Variants in KCNN3 observed in about 807,000 individuals in gnomAD.
KCNN3 encodes the protein potassium calcium-activated channel subfamily N member 3.
Under a neutral mutation model 62.9 loss-of-function variants are expected in KCNN3, and 16 were observed. The observed-to-expected ratio is 0.25, with a 90% CI of 0.17 to 0.39. KCNN3 has a LOEUF of 0.39. KCNN3 is among the 10% of genes least tolerant of loss of function. The pLI is 1.00. For synonymous variants in KCNN3, 370 were observed against 389.2 expected, an observed-to-expected ratio of 0.95 and a Z score of 0.58; for missense variants, 599 against 949.4, an observed-to-expected ratio of 0.63 and a Z score of 4.85.
chr1:154,700,131 T>C lies in KCNN3; in HGVS notation c.*7845A>G, dbSNP rs1459139002. 2 of 152,198 alleles carry C rather than the reference T, an allele frequency of 1.3e-5. No individual in the cohort carries two copies. Among genetic ancestry groups the C allele is most frequent in the African/African-American group, 4.8e-5 (2 of 41,446 alleles). The allele number at this position is 152,198 out of a possible 1,614,324, so 9.4% of individuals were successfully genotyped here. A position where few individuals can be genotyped will look rare whatever the true frequency, so the allele number is the denominator to read the frequency against. ...AGACTCAAGGAAGAGATAGCTTCAT[T>C]CTCTAATTATTAACGAGGTTAGTTA... On this transcript the variant is annotated 3_prime_UTR_variant, in exon 8 of 8. Transcript: ENST00000271915.
intron 1 of KCNN3, among the ~76,000 whole-genome samples, chr1:154,845,610 G>A (rs1307596436): frequency 1.3e-5 from 2 of 152,160 alleles, no homozygotes; most frequent in South Asian, 2.1e-4. Context: ...TGCAACGGAC[G>A]CAGCATTGCT....
At chr1:154,732,484 C>G (rs750885924) in intron 4 of KCNN3, among the ~76,000 whole-genome samples, 2 of 152,234 alleles carry the variant, frequency 1.3e-5, no homozygotes, top group Admixed American at 1.3e-4. Flanking sequence ...AAGGCAAGAG[C>G]CAGCCCAGGG....
At chr1:154,831,681 T>C (rs1193970634) in intron 1 of KCNN3, among the ~76,000 whole-genome samples, 1 of 152,122 alleles carries the variant, frequency 6.6e-6, no homozygotes, top group Admixed American at 6.5e-5. Flanking sequence ...ATCCAGTCTC[T>C]GCTTGATTTT....
chr1:154,844,018 G>A lies in KCNN3; in HGVS notation c.934-21834C>T, dbSNP rs1651940943. ...CCAGGCCACAAAGGGCAGACACCAGGCCAGCAGGGGAAGGCCAAAGAACAC... is the reference window on the plus strand; with the variant it reads ...CCAGGCCACAAAGGGCAGACACCAGACCAGCAGGGGAAGGCCAAAGAACAC... On this transcript the variant is annotated intron_variant, in intron 1 of 7. Transcript: ENST00000271915. 2.6e-5 allele frequency among the ~76,000 whole-genome samples: 4 copies of A among 152,332 alleles called. No individual in the cohort carries two copies. In the South Asian group the frequency reaches 8.3e-4, roughly 32 times the overall value.
intron 5 of KCNN3, among the ~76,000 whole-genome samples, chr1:154,720,781 C>T (rs1571209917): frequency 2.0e-5 from 3 of 152,084 alleles, no homozygotes; most frequent in African/African-American, 7.2e-5. Context: ...TAAGGGACGC[C>T]GAAGTGAGGA....
chr1:154,813,208 C>CTT (rs57970335), intron 2 of KCNN3, among the ~76,000 whole-genome samples: 5 of 88,344 alleles, frequency 5.7e-5, no homozygotes, highest in Non-Finnish European at 8.1e-5. Context: ...TGTTAGGCTG[C>CTT]TTTTTTTTTT....
intron 1 of KCNN3, among the ~76,000 whole-genome samples, chr1:154,838,586 G>A (rs888908908): frequency 1.3e-5 from 2 of 152,126 alleles, no homozygotes; most frequent in Non-Finnish European, 1.5e-5. Flanking sequence ...TTGCTGGGCC[G>A]GGAACAACCT....
At chr1:154,798,777 A>G (rs1267731900) in intron 2 of KCNN3, among the ~76,000 whole-genome samples, 4 of 152,196 alleles carry the variant, frequency 2.6e-5, no homozygotes, top group African/African-American at 9.7e-5. Context: ...TTACACAACT[A>G]AGAAGTGGTG....
At chr1:154,776,565 A>T (rs896938632) in intron 2 of KCNN3, among the ~76,000 whole-genome samples, 7 of 151,884 alleles carry the variant, frequency 4.6e-5, no homozygotes, top group Non-Finnish European at 1.0e-4. Context: ...ACGTGAGGAC[A>T]CTCTATGCTT....
intron 2 of KCNN3, among the ~76,000 whole-genome samples, chr1:154,806,830 T>C (rs1168372222): frequency 6.6e-6 from 1 of 152,184 alleles, no homozygotes; most frequent in African/African-American, 2.4e-5. Context: ...ATAATGTTCA[T>C]AAGGCTTGGG....
chr1:154,835,063 G>A (rs1034037113), intron 1 of KCNN3, among the ~76,000 whole-genome samples: 21 of 152,160 alleles, frequency 1.4e-4, no homozygotes, highest in Admixed American at 4.6e-4. Context: ...GAGCTGGACC[G>A]TTTGACACCA....
intron 2 of KCNN3, among the ~76,000 whole-genome samples, chr1:154,821,766 C>T (rs1348747887): frequency 6.6e-6 from 1 of 152,224 alleles, no homozygotes; most frequent in African/African-American, 2.4e-5. Flanking sequence ...CAGAGCAATG[C>T]ATCAGGGGCT....
At chr1:154,755,071 C>A (rs1331496889) in intron 3 of KCNN3, among the ~76,000 whole-genome samples, 1 of 152,180 alleles carries the variant, frequency 6.6e-6, no homozygotes, top group African/African-American at 2.4e-5. Flanking sequence ...GCTGCAGTAG[C>A]CTTTTTAGTC....
At chr1:154,824,943 AT>A (rs1425786234) in intron 1 of KCNN3, among the ~76,000 whole-genome samples, 6 of 152,196 alleles carry the variant, frequency 3.9e-5, no homozygotes, top group Non-Finnish European at 1.5e-5. Flanking sequence ...GACTCTCGAT[AT>A]CTTACAGATT....
chr1:154,768,981 C>A (rs530984531), intron 3 of KCNN3, among the ~76,000 whole-genome samples: 2 of 152,282 alleles, frequency 1.3e-5, no homozygotes, highest in South Asian at 4.1e-4. Flanking sequence ...GTTGGTGACA[C>A]ACACATGGAA....
At chr1:154,759,678 C>CCT (rs1486556501) in intron 3 of KCNN3, among the ~76,000 whole-genome samples, 1 of 152,140 alleles carries the variant, frequency 6.6e-6, no homozygotes. Context: ...GTCAGATAGT[C>CCT]CTCCCCAGTT....
chr1:154,737,211 G>GC lies in KCNN3; in HGVS notation c.1449-4068_1449-4067insG, dbSNP rs895539742. On this transcript the variant is annotated intron_variant, in intron 3 of 7. Transcript: ENST00000271915. ...ATTTTTTGCAATAGAAAATTTGGGG[G>GC]GGGGGGATAGCTCCATGTTTTTCTT... 1.7e-5 allele frequency: 5 copies of GC among 293,220 alleles called. No individual in the cohort carries two copies. The East Asian group carries it at 4.2e-4, about 25-fold the overall frequency. 18.2% of individuals were successfully genotyped at this position (293,220 alleles called of 1,614,324 possible).
At chr1:154,739,735 G>A (rs1700790321) in intron 3 of KCNN3, among the ~76,000 whole-genome samples, 1 of 152,240 alleles carries the variant, frequency 6.6e-6, no homozygotes, top group Admixed American at 6.5e-5. Flanking sequence ...TGTCTTGGGT[G>A]ATCTCTCACT....
chr1:154,765,927 G>A (rs1269109833), intron 3 of KCNN3, among the ~76,000 whole-genome samples: 4 of 151,924 alleles, frequency 2.6e-5, no homozygotes, highest in South Asian at 2.1e-4. Context: ...GATTACAGGC[G>A]TGAGCCACTG....
Sources: allele counts gnomAD v4.1 joint callset (sites outside exome capture counted in the v4.1 genomes callset), GRCh38; gene constraint gnomAD v4.1.1; transcripts MANE v1.5; gene names NCBI Gene and HGNC (gene_info 2026-07-23, HGNC 2026-07-21).